Variants in PARD3B observed in about 807,000 individuals in gnomAD.
PARD3B encodes partitioning defective 3 homolog B.
In PARD3B, 103 loss-of-function variants were observed where a neutral mutation model predicts 130.2. The ratio of observed to expected loss-of-function variants is 0.79; its 90% confidence interval spans 0.67 to 0.93. The LOEUF (loss-of-function observed/expected upper bound fraction) is 0.93, where lower values mean the gene tolerates loss of function less well. Among genes scored for constraint, PARD3B ranks in the 40% least tolerant of loss-of-function variants. The pLI, the probability that PARD3B is intolerant of heterozygous loss-of-function variation, is 0.00. For missense variants in PARD3B, 1,609 were observed against 1,499.2 expected (o/e 1.07, Z -1.21); for synonymous variants, 583 against 553.2 (o/e 1.05, Z -0.76).
intron 15 of PARD3B, among the ~76,000 whole-genome samples, chr2:205,240,771 G>C (rs2039317634): frequency 1.3e-5 from 2 of 152,174 alleles, no homozygotes; most frequent in African/African-American, 2.4e-5. Context: ...GTTATAGAAT[G>C]CGTATCAAAT....
At chr2:204,819,802 A>G (rs528771966) in intron 2 of PARD3B, among the ~76,000 whole-genome samples, 62 of 152,312 alleles carry the variant, frequency 4.1e-4, no homozygotes, top group African/African-American at 1.3e-3. Flanking sequence ...TAGATAGAAA[A>G]TAAAACCAGT....
At chr2:205,389,165 A>T (rs569312591) in intron 18 of PARD3B, among the ~76,000 whole-genome samples, 2 of 152,230 alleles carry the variant, frequency 1.3e-5, no homozygotes, top group African/African-American at 4.8e-5. Context: ...GGTAGTTGAG[A>T]ATCAGTTCCA....
At chr2:204,841,923 T>C (rs1265578645) in intron 2 of PARD3B, among the ~76,000 whole-genome samples, 1 of 152,078 alleles carries the variant, frequency 6.6e-6, no homozygotes, top group Non-Finnish European at 1.5e-5. Flanking sequence ...TTTTTAACAT[T>C]GTAGGAATAT....
At chr2:205,389,315 A>G (rs896501968) in intron 18 of PARD3B, among the ~76,000 whole-genome samples, 1 of 152,184 alleles carries the variant, frequency 6.6e-6, no homozygotes, top group Non-Finnish European at 1.5e-5. Context: ...TCTTCAAAAG[A>G]ACTCTTCTAT....
chr2:205,367,339 C>G (rs2044647353), intron 18 of PARD3B, among the ~76,000 whole-genome samples: 1 of 152,112 alleles, frequency 6.6e-6, no homozygotes, highest in Non-Finnish European at 1.5e-5. Context: ...ATCAGATGGT[C>G]TCCATCCTCC....
intron 2 of PARD3B, among the ~76,000 whole-genome samples, chr2:204,753,250 G>A (rs536958108): frequency 1.2e-3 from 189 of 152,092 alleles, no homozygotes; most frequent in African/African-American, 4.1e-3. Context: ...TCATGTTTTT[G>A]TTGCTTAAGA....
intron 16 of PARD3B, among the ~76,000 whole-genome samples, chr2:205,247,883 A>C (rs1020041826): frequency 1.3e-5 from 2 of 152,088 alleles, no homozygotes; most frequent in African/African-American, 4.8e-5. Context: ...AAGGTTCAAA[A>C]TTTATGTACT....
chr2:205,106,105 G>T (rs1260760332), intron 5 of PARD3B, among the ~76,000 whole-genome samples: 1 of 151,596 alleles, frequency 6.6e-6, no homozygotes, highest in Non-Finnish European at 1.5e-5. Context: ...GAGAAATGGA[G>T]TATAGGAACT....
intron 1 of PARD3B, among the ~76,000 whole-genome samples, chr2:204,553,580 A>T (rs972611068): frequency 9.7e-6 from 1 of 102,716 alleles, no homozygotes; most frequent in African/African-American, 3.6e-5. Context: ...ATATGTATAT[A>T]TAAGGCTATA....
chr2:205,497,427 ATTTTTTT>A (rs3077795), intron 20 of PARD3B, among the ~76,000 whole-genome samples: 4 of 123,706 alleles, frequency 3.2e-5, no homozygotes, highest in Non-Finnish European at 6.6e-5. Context: ...TTTACTCACC[ATTTTTTT>A]TTTTTTTTTT....
At position 205,405,262 on chromosome 2, in the gene PARD3B, A is replaced by T. The variant is rs185294160; in HGVS notation, c.2741+4139A>T. ...TCTGGAGATATTTTTGATTGTCATA[A>T]CTCGGGAAGAGGGGTGAGCAGTTAC... On this transcript the variant is annotated intron_variant, in intron 19 of 22. Coordinates refer to ENST00000406610, the MANE Select transcript of PARD3B (RefSeq NM_001302769.2). This position sits in a 1 kb window ranked among gnomAD's most constrained non-coding sequence, Gnocchi z 4.1. Among the ~76,000 whole-genome samples, 5 of 152,264 alleles carry T rather than the reference A, an allele frequency of 3.3e-5. 1 individual carries two copies. In the South Asian group the frequency reaches 1.0e-3, roughly 32 times the overall value.
chr2:205,282,697 G>C (rs927508037), intron 16 of PARD3B, among the ~76,000 whole-genome samples: 2 of 152,006 alleles, frequency 1.3e-5, no homozygotes, highest in Non-Finnish European at 2.9e-5. Context: ...ATCTCAATTA[G>C]ATATAGGTCC....
At chr2:205,251,657 C>A (rs946491963) in intron 16 of PARD3B, among the ~76,000 whole-genome samples, 1 of 152,132 alleles carries the variant, frequency 6.6e-6, no homozygotes, top group African/African-American at 2.4e-5. Flanking sequence ...TGCATTTACA[C>A]TTTGGAACAC....
rs2053247715 is a variant in PARD3B, at chr2:205,564,448, T to C, written c.3260+11045T>C. Among the ~76,000 whole-genome samples the C allele has an allele frequency of 6.6e-6, 1 of 152,230 alleles. No homozygotes were observed. Among genetic ancestry groups the C allele is most frequent in the African/African-American group, 2.4e-5 (1 of 41,460 alleles). On this transcript the variant is annotated intron_variant, in intron 22 of 22. Coordinates refer to ENST00000406610, the MANE Select transcript of PARD3B (RefSeq NM_001302769.2). This position sits in a 1 kb window ranked among gnomAD's most constrained non-coding sequence, Gnocchi z 4.6. Reference sequence around the variant, plus strand: ...AATATTTTAAATGGTGCTTTTTTGCTTAAAGACTGCCTCTGTGTTATGCTA... The same window carrying C: ...AATATTTTAAATGGTGCTTTTTTGCCTAAAGACTGCCTCTGTGTTATGCTA...
intron 22 of PARD3B, among the ~76,000 whole-genome samples, chr2:205,613,906 T>A (rs1371433967): frequency 6.6e-6 from 1 of 152,242 alleles, no homozygotes; most frequent in African/African-American, 2.4e-5. Context: ...TGACAGTGCT[T>A]GATTAACCAC....
At chr2:204,917,780 G>A (rs577514498) in intron 2 of PARD3B, among the ~76,000 whole-genome samples, 2 of 152,218 alleles carry the variant, frequency 1.3e-5, no homozygotes, top group East Asian at 3.9e-4. Flanking sequence ...AAAACTAATT[G>A]TTTTAGGATC....
chr2:205,403,935 C>T lies in PARD3B; in HGVS notation c.2741+2812C>T, dbSNP rs116108843. Among the ~76,000 whole-genome samples, 298 of 63,172 alleles carry T rather than the reference C, an allele frequency of 4.7e-3. 1 individual carries two copies. The highest frequency in any genetic ancestry group is 0.011 in the Non-Finnish European group (228 of 20,074). The allele number at this position is 63,172 out of a possible 152,430, so 41.4% of individuals were successfully genotyped here. ...AATCTTTTGTAAACAAATTAGAAAC[C>T]CTAGCCAGTGCTCACTCAATTAAGG... is the stretch of plus-strand genomic sequence containing the variant. On this transcript the variant is annotated intron_variant, in intron 19 of 22. Coordinates refer to ENST00000406610, the MANE Select transcript of PARD3B (RefSeq NM_001302769.2).
At chr2:205,168,848 T>C (rs2034986736) in intron 11 of PARD3B, among the ~76,000 whole-genome samples, 1 of 152,182 alleles carries the variant, frequency 6.6e-6, no homozygotes, top group African/African-American at 2.4e-5. Context: ...TAGGGGCTTG[T>C]CATTGTCATC....
intron 2 of PARD3B, among the ~76,000 whole-genome samples, chr2:204,868,795 G>C (rs952014665): frequency 6.6e-6 from 1 of 152,174 alleles, no homozygotes; most frequent in Non-Finnish European, 1.5e-5. Flanking sequence ...GCATGAGGCA[G>C]GATTGAGTGG....
Sources: allele counts gnomAD v4.1 joint callset (sites outside exome capture counted in the v4.1 genomes callset), GRCh38; gene constraint gnomAD v4.1.1; non-coding constraint Gnocchi (gnomAD v3.1); transcripts MANE v1.5; gene names NCBI Gene and HGNC (gene_info 2026-07-23, HGNC 2026-07-21).